TLE6: variants seen among roughly 807,000 people sequenced by gnomAD.
The protein encoded by TLE6 is transducin-like enhancer protein 6.
A neutral mutation model predicts 77.1 loss-of-function variants in TLE6; 72 were observed. The observed-to-expected ratio is 0.93, with a 90% CI of 0.77 to 1.14. The LOEUF is 1.14. TLE6 is among the 50% of genes most tolerant of loss of function. The pLI is 0.00. For synonymous variants in TLE6, 366 were observed against 287.3 expected (o/e 1.27, Z -2.77); for missense variants, 843 against 747.6 (o/e 1.13, Z -1.49).
At position 2,991,933 on chromosome 19, in the gene TLE6, C is replaced by T. The variant is rs1347609712; in HGVS notation, c.1335C>T (p.Cys445=). 5.6e-6 allele frequency: 9 copies of T among 1,613,842 alleles called. No individual in the cohort carries two copies. The highest frequency in any genetic ancestry group is 1.3e-5 in the African/African-American group (1 of 74,884). ...GGGGTCCGGATGCCTGTCTGCGGTGCTGGGACCAGAGGACCATCATGAAAC... is the reference window on the plus strand; with the variant it reads ...GGGGTCCGGATGCCTGTCTGCGGTGTTGGGACCAGAGGACCATCATGAAAC... ...WTGGPDACLR[C]WDQRTIMKPL... Residue 445 remains cysteine (C), a synonymous_variant, in exon 14 of 17, where the codon TGC becomes TGT. Coordinates refer to ENST00000246112, the MANE Select transcript of TLE6 (RefSeq NM_001143986.2).
chr19:2,986,644 G>A (rs1461468415), intron 5 of TLE6, among the ~76,000 whole-genome samples, 185 bp from the exon 6 acceptor site: 1 of 152,008 alleles, frequency 6.6e-6, no homozygotes, highest in Non-Finnish European at 1.5e-5. Flanking sequence ...AACCTGGGAG[G>A]CGGAGGTTGC....
rs114814891 is a variant in TLE6, at chr19:2,991,885, C to T, written c.1287C>T (p.Val429=). The change falls in exon 14 of 17, where the codon GTC becomes GTT. Residue 429 remains valine, a synonymous_variant. Coordinates refer to ENST00000246112, the MANE Select transcript of TLE6 (RefSeq NM_001143986.2). ...CTGATGGAGTCAAGAGTATCGTGGT[C>T]AAGGGCTACAACATCTGGACTGGGG... ...GYPDGVKSIV[V]KGYNIWTGGP... 1.8e-3 allele frequency: 2,947 copies of T among 1,613,820 alleles called. 44 individuals are homozygous for T. The African/African-American group carries it at 0.035, about 19-fold the overall frequency.
intron 16 of TLE6, among the ~76,000 whole-genome samples, chr19:2,994,516 A>G (rs903054725): frequency 2.0e-5 from 3 of 152,184 alleles, no homozygotes; most frequent in African/African-American, 7.2e-5. Context: ...AGGCTGAGGC[A>G]GGAGAATGGC....
intron 15 of TLE6, 124 bp downstream of exon 15, chr19:2,993,706 C>A: frequency 1.6e-6 from 2 of 1,249,430 alleles, no homozygotes; most frequent in Non-Finnish European, 2.2e-6. Flanking sequence ...TAGCAGAAAC[C>A]AATTTTGGGG....
Position 2,987,766 on chromosome 19 carries a change from G to A in TLE6, c.601G>A (p.Asp201Asn). The change falls in exon 9 of 17, where the codon GAC becomes AAC. Residue 201 changes from aspartate to asparagine, a missense_variant. Transcript: ENST00000246112. ...ACCAGGATCCTGTGACCCAGGAACA[G>A]ACCCATGTCCTGAAGATGCCTCCAG... ...KAPGSCDPGT[D>N]PCPEDASTPR... 6.2e-7 allele frequency: 1 copy of A among 1,614,148 alleles called. No homozygotes were observed. Among genetic ancestry groups the A allele is most frequent in the Non-Finnish European group, 8.5e-7 (1 of 1,179,982 alleles).
intron 2 of TLE6, 105 bp from the exon 3 acceptor site, chr19:2,979,995 T>G: frequency 1.3e-6 from 1 of 774,640 alleles, no homozygotes; most frequent in Admixed American, 3.0e-5. Flanking sequence ...AAACCACAAT[T>G]ACTTTTGCAC....
intron 5 of TLE6, 66 bp downstream of exon 5, chr19:2,982,255 G>C: frequency 6.5e-7 from 1 of 1,527,854 alleles, no homozygotes; most frequent in Non-Finnish European, 8.9e-7. Context: ...GCACAGAGGG[G>C]GGCCGGGCAC....
At chr19:2,986,071 C>CAAAAAAAAAAA (rs547031586) in intron 5 of TLE6, among the ~76,000 whole-genome samples, 4 of 41,274 alleles carry the variant, frequency 9.7e-5, no homozygotes, top group Non-Finnish European at 1.5e-4. Context: ...GAGACTGTCT[C>CAAAAAAAAAAA]AAAAAAAAAA....
chr19:2,984,842 A>G (rs2088875202), intron 5 of TLE6, among the ~76,000 whole-genome samples: 1 of 152,078 alleles, frequency 6.6e-6, no homozygotes, highest in Admixed American at 6.6e-5. Flanking sequence ...TTCCAATTCT[A>G]CTTGTACTGG....
At position 2,980,149 on chromosome 19, in the gene TLE6, A is replaced by G. The variant is rs1157405651; in HGVS notation, c.101A>G (p.Gln34Arg). The change falls in exon 3 of 17, where the codon CAG (glutamine) becomes CGG (arginine). Residue 34 changes from glutamine to arginine, a missense_variant. Gln to Arg is a conservative substitution (Grantham distance 43). Transcript: ENST00000246112. Reference protein sequence around the residue: ...NSESSPTLNYQGILNRLKQFP... With the variant: ...NSESSPTLNYRGILNRLKQFP... Reference sequence around the variant, plus strand: ...GAGAGCTCTCCGACGCTGAATTATCAGGGCATTCTAAATCGGCTCAAGCAG... The same window carrying G: ...GAGAGCTCTCCGACGCTGAATTATCGGGGCATTCTAAATCGGCTCAAGCAG... The G allele has an allele frequency of 1.3e-6, 2 of 1,549,458 alleles. No homozygotes were observed. The highest frequency in any genetic ancestry group is 1.7e-6 in the Non-Finnish European group (2 of 1,145,652).
Position 2,989,199 on chromosome 19 carries a change from C to T in TLE6, c.879C>T (p.Ala293=). ...LAHGELVLAT[A]ISSFTRHVFT... is the part of the protein sequence containing the mutation. ...ACGGGGAGCTCGTGCTCGCCACGGCCATCAGCAGCTTCACGCGGCACGTGT... is the reference window on the plus strand; with the variant it reads ...ACGGGGAGCTCGTGCTCGCCACGGCTATCAGCAGCTTCACGCGGCACGTGT... The change falls in exon 12 of 17, where the codon GCC becomes GCT. Residue 293 remains alanine, a synonymous_variant. Transcript: ENST00000246112. 1 of 1,614,144 alleles carries T rather than the reference C, an allele frequency of 6.2e-7. No individual in the cohort carries two copies. Among genetic ancestry groups the T allele is most frequent in the Non-Finnish European group, 8.5e-7 (1 of 1,180,038 alleles).
intron 15 of TLE6, 78 bp downstream of exon 15, chr19:2,993,660 C>A: frequency 1.3e-6 from 2 of 1,484,518 alleles, no homozygotes; most frequent in South Asian, 1.4e-5. Flanking sequence ...TGCCAGCTCC[C>A]CACCCAACCC....
In TLE6 at chr19:2,995,033, G is replaced by A; in HGVS notation, c.*29G>A. On this transcript the variant is annotated 3_prime_UTR_variant, in exon 17 of 17. Coordinates refer to ENST00000246112, the MANE Select transcript of TLE6 (RefSeq NM_001143986.2). ...GCCTCGCTGCTGTCATCCCACTCCG[G>A]CTCCTCTTTTCATCCCCCCCCTTCC... 7.0e-7 allele frequency: 1 copy of A among 1,424,502 alleles called. No individual in the cohort carries two copies. Among genetic ancestry groups the A allele is most frequent in the South Asian group, 1.2e-5 (1 of 80,836 alleles). The allele number at this position is 1,424,502 out of a possible 1,614,324, so 88.2% of individuals were successfully genotyped here. A position where few individuals can be genotyped will look rare whatever the true frequency, so the allele number is the denominator to read the frequency against.
intron 2 of TLE6, among the ~76,000 whole-genome samples, chr19:2,978,558 T>G (rs2088727170): frequency 6.6e-6 from 1 of 152,134 alleles, no homozygotes; most frequent in African/African-American, 2.4e-5. Flanking sequence ...GAAACCAGCC[T>G]GGACAACGTA....
In TLE6 at chr19:2,989,072, C is replaced by T; in HGVS notation, c.752C>T (p.Pro251Leu). ...SRFLQSISWD[P>L]EDFEDAWKRP... Reference sequence around the variant, plus strand: ...CCTCCCCTCCCAAGATCCTGGGACCCTGAGGACTTTGAAGATGCATGGAAG... The same window carrying T: ...CCTCCCCTCCCAAGATCCTGGGACCTTGAGGACTTTGAAGATGCATGGAAG... The change falls in exon 12 of 17, where the codon CCT becomes CTT. Residue 251 changes from proline to leucine, a missense_variant. Coordinates refer to ENST00000246112, the MANE Select transcript of TLE6 (RefSeq NM_001143986.2). 6.2e-7 allele frequency: 1 copy of T among 1,613,840 alleles called. No individual in the cohort carries two copies. Among genetic ancestry groups the T allele is most frequent in the South Asian group, 1.1e-5 (1 of 91,084 alleles).
chr19:2,980,058 G>A, intron 2 of TLE6, 42 bp from the exon 3 acceptor site: 1 of 1,508,112 alleles, frequency 6.6e-7, no homozygotes, highest in Non-Finnish European at 9.0e-7. Flanking sequence ...TTGGGTGTTG[G>A]AGCATTGTAA....
chr19:2,987,658 G>A (rs770837898), intron 8 of TLE6, 66 bp from the exon 9 acceptor site: 6 of 1,578,952 alleles, frequency 3.8e-6, no homozygotes, highest in East Asian at 2.2e-5. Context: ...AGCTGCCCAG[G>A]AATCCGAGGT....
In TLE6 at chr19:2,987,190, C is replaced by A. The variant is rs766166831; in HGVS notation, c.493C>A (p.Arg165=). 2 of 1,614,054 alleles carry A rather than the reference C, an allele frequency of 1.2e-6. No individual in the cohort carries two copies. The highest frequency in any genetic ancestry group is 2.2e-5 in the East Asian group (1 of 44,884). Residue 165 remains arginine, a synonymous_variant, in exon 7 of 17, where the codon CGG becomes AGG. Coordinates refer to ENST00000246112, the MANE Select transcript of TLE6 (RefSeq NM_001143986.2). ...CGACACTCTGACCGAGCAACTCTGG[C>A]GGATTTTTGCCGGCGTCCACGATGA... ...WHDTLTEQLW[R]IFAGVHDEKA... is the part of the protein sequence containing the mutation.
intron 5 of TLE6, among the ~76,000 whole-genome samples, chr19:2,983,151 G>A (rs934902244): frequency 1.3e-5 from 2 of 152,216 alleles, no homozygotes; most frequent in East Asian, 1.9e-4. Flanking sequence ...GAGGAGGGGG[G>A]CAGCGAAGGG....
Sources: allele counts gnomAD v4.1 joint callset (sites outside exome capture counted in the v4.1 genomes callset), GRCh38; gene constraint gnomAD v4.1.1; transcripts MANE v1.5; gene names NCBI Gene and HGNC (gene_info 2026-07-23, HGNC 2026-07-21).